DOCK1: variants seen among roughly 807,000 people sequenced by gnomAD.
DOCK1 encodes dedicator of cytokinesis 1.
A neutral mutation model predicts 262.7 loss-of-function variants in DOCK1; 138 were observed. The observed-to-expected ratio is 0.53, with a 90% CI of 0.46 to 0.61. DOCK1 has a LOEUF of 0.61. DOCK1 is among the 20% of genes least tolerant of loss of function. The pLI, the probability that DOCK1 is intolerant of heterozygous loss-of-function variation, is 0.00. For synonymous variants in DOCK1, 866 were observed against 867.4 expected (o/e 1.00, Z 0.03); for missense variants, 1,908 against 2,370.7 (o/e 0.80, Z 4.05).
At chr10:127,321,499 G>A (rs150285175) in intron 29 of DOCK1, among the ~76,000 whole-genome samples, 30 of 150,920 alleles carry the variant, frequency 2.0e-4, no homozygotes, top group Admixed American at 4.0e-4. Context: ...CTTTATAAGT[G>A]GACTGAGATT....
intron 27 of DOCK1, among the ~76,000 whole-genome samples, chr10:127,214,899 A>T (rs1050320802): frequency 6.6e-6 from 1 of 152,134 alleles, no homozygotes; most frequent in Non-Finnish European, 1.5e-5. Flanking sequence ...GTCATTTTAA[A>T]CATATGCGTG....
chr10:127,275,972 C>A lies in DOCK1; in HGVS notation c.3044+18543C>A, dbSNP rs551362177. Reference sequence around the variant, plus strand: ...GTACAGGCCGCGTTGGAGATCCCTGCGGCTCATGCTGCCTTATTACGTAAT... The same window carrying A: ...GTACAGGCCGCGTTGGAGATCCCTGAGGCTCATGCTGCCTTATTACGTAAT... On this transcript the variant is annotated intron_variant, in intron 29 of 51. Coordinates refer to ENST00000623213, the MANE Select transcript of DOCK1 (RefSeq NM_001290223.2). Among the ~76,000 whole-genome samples, 4 of 152,360 alleles carry A rather than the reference C, an allele frequency of 2.6e-5. No individual in the cohort carries two copies. In the South Asian group the frequency reaches 8.3e-4, roughly 32 times the overall value.
chr10:127,341,430 T>C (rs987232026), intron 30 of DOCK1, among the ~76,000 whole-genome samples: 1 of 152,216 alleles, frequency 6.6e-6, no homozygotes, highest in Non-Finnish European at 1.5e-5. Flanking sequence ...AGTTTCTCTT[T>C]TAAAAACATA....
rs750506550 is a variant in DOCK1, at chr10:127,195,120, G to C, written c.2848-52888G>C. Among the ~76,000 whole-genome samples, 30 of 152,176 alleles carry C rather than the reference G, an allele frequency of 2.0e-4. 1 individual carries two copies. Among genetic ancestry groups the C allele is most frequent in the Non-Finnish European group, 2.9e-4 (20 of 68,032 alleles). On this transcript the variant is annotated intron_variant, in intron 27 of 51. Transcript: ENST00000623213. ...CCCTGTGGCATATTTTTGGGTAGTA[G>C]AATGCTGAGGTCACAGGGAGCGGCT...
rs951543680 is a variant in DOCK1, at chr10:127,437,940, C to G, written c.5061-1087C>G. ...TGAAGAAGCCAATTGCTTCTCCAGG[C>G]GGTCAAGGAAGTCAGGTTTGGAAGT... is the stretch of plus-strand genomic sequence containing the variant. On this transcript the variant is annotated intron_variant, in intron 48 of 51. Coordinates refer to ENST00000623213, the MANE Select transcript of DOCK1 (RefSeq NM_001290223.2). This position sits in a 1 kb window ranked among gnomAD's most constrained non-coding sequence, Gnocchi z 4.4. Among the ~76,000 whole-genome samples the G allele has an allele frequency of 6.6e-6, 1 of 152,188 alleles. No homozygotes were observed. Among genetic ancestry groups the G allele is most frequent in the African/African-American group, 2.4e-5 (1 of 41,454 alleles).
chr10:126,916,128 C>T (rs1262984019), intron 1 of DOCK1, among the ~76,000 whole-genome samples: 1 of 151,428 alleles, frequency 6.6e-6, no homozygotes, highest in Admixed American at 6.6e-5. Context: ...TAACTGCTGC[C>T]ACCTCTGCCC....
chr10:127,262,867 T>A (rs1219767155), intron 29 of DOCK1, among the ~76,000 whole-genome samples: 3 of 152,150 alleles, frequency 2.0e-5, no homozygotes, highest in African/African-American at 7.2e-5. Context: ...GGACAGCTGC[T>A]GTGTTTAGGC....
chr10:127,280,277 G>T (rs951954689), intron 29 of DOCK1, among the ~76,000 whole-genome samples: 2 of 151,570 alleles, frequency 1.3e-5, no homozygotes, highest in African/African-American at 2.4e-5. Context: ...CTCGTGATCC[G>T]CCCGCCTCGG....
intron 23 of DOCK1, among the ~76,000 whole-genome samples, chr10:127,086,276 T>C (rs1185537718): frequency 6.6e-6 from 1 of 151,738 alleles, no homozygotes; most frequent in African/African-American, 2.4e-5. Flanking sequence ...CTTCATTATG[T>C]GACCACCCAC....
chr10:127,293,299 TCAAAG>T (rs1274841735), intron 29 of DOCK1, among the ~76,000 whole-genome samples: 1 of 152,090 alleles, frequency 6.6e-6, no homozygotes, highest in African/African-American at 2.4e-5. Flanking sequence ...ATCTGTTATC[TCAAAG>T]GAGACCTTAG....
In DOCK1 at chr10:126,970,721, C is replaced by G. The variant is rs751926799; in HGVS notation, c.66C>G (p.Ala22=). ...KYGVAFYNYD[A]RGADELSLQI... ...TCACAGCTTTTTATAACTATGATGC[C>G]AGAGGAGCGGATGAACTTTCTTTAC... Residue 22 remains alanine, a synonymous_variant, in exon 2 of 52, where the codon GCC becomes GCG. Coordinates refer to ENST00000623213, the MANE Select transcript of DOCK1 (RefSeq NM_001290223.2). 3 of 1,612,818 alleles carry G rather than the reference C, an allele frequency of 1.9e-6. No homozygotes were observed. Among genetic ancestry groups the G allele is most frequent in the Non-Finnish European group, 2.5e-6 (3 of 1,179,088 alleles).
rs560996052 is a variant in DOCK1 at position 127,347,887 on chromosome 10, C to T, written c.3224+4141C>T. Among the ~76,000 whole-genome samples the T allele has an allele frequency of 6.4e-4, 57 of 88,856 alleles. 15 individuals are homozygous for T. In the South Asian group the frequency reaches 0.027, roughly 42 times the overall value. The allele number at this position is 88,856 out of a possible 152,430, so 58.3% of individuals were successfully genotyped here. On this transcript the variant is annotated intron_variant, in intron 31 of 51. Transcript: ENST00000623213. ...CCCTTCCCTTCCCTTCCCTTCCCAT[C>T]CCTTCCCTTCCCCCTTGCTAAGCCC...
chr10:127,210,425 G>A (rs970099374), intron 27 of DOCK1, among the ~76,000 whole-genome samples: 32 of 152,354 alleles, frequency 2.1e-4, no homozygotes, highest in Admixed American at 3.3e-4. Flanking sequence ...ATGTAGAACC[G>A]TGTGCATTTG....
Position 127,320,359 on chromosome 10 carries a change from G to A in DOCK1, c.3045-18647G>A, listed in dbSNP as rs1429826473. Among the ~76,000 whole-genome samples, 3 of 152,190 alleles carry A rather than the reference G, an allele frequency of 2.0e-5. 1 individual carries two copies. Among genetic ancestry groups the A allele is most frequent in the Non-Finnish European group, 4.4e-5 (3 of 68,048 alleles). On this transcript the variant is annotated intron_variant, in intron 29 of 51. Coordinates refer to ENST00000623213, the MANE Select transcript of DOCK1 (RefSeq NM_001290223.2). ...TAGGCAGGGGCCGCCAACACGCAGG[G>A]GCCAATGCAGCCAAGGAGCAGTTGC... is the stretch of plus-strand genomic sequence containing the variant.
At chr10:127,397,878 C>T (rs1390791150) in intron 38 of DOCK1, among the ~76,000 whole-genome samples, 1 of 152,132 alleles carries the variant, frequency 6.6e-6, no homozygotes, top group African/African-American at 2.4e-5. Flanking sequence ...TGCTGCATGT[C>T]CTGGGCAGTG....
intron 27 of DOCK1, among the ~76,000 whole-genome samples, chr10:127,202,445 C>T (rs569789027): frequency 2.8e-4 from 42 of 152,270 alleles, no homozygotes; most frequent in Admixed American, 1.8e-3. Flanking sequence ...CCTTCTGCCC[C>T]GGTGCACAGG....
intron 29 of DOCK1, among the ~76,000 whole-genome samples, chr10:127,267,894 T>C (rs948139852): frequency 1.3e-5 from 2 of 152,166 alleles, no homozygotes; most frequent in African/African-American, 4.8e-5. Context: ...CTTTTACGTC[T>C]AGAACAGGAG....
At chr10:127,077,993 G>T (rs369340363) in intron 23 of DOCK1, among the ~76,000 whole-genome samples, 94 of 152,218 alleles carry the variant, frequency 6.2e-4, no homozygotes, top group African/African-American at 2.1e-3. Flanking sequence ...AGGAGTGGAG[G>T]CAGGCAGCCT....
chr10:127,143,417 T>G (rs968002740), intron 27 of DOCK1, among the ~76,000 whole-genome samples: 5 of 152,184 alleles, frequency 3.3e-5, no homozygotes, highest in Non-Finnish European at 5.9e-5. Context: ...TGACTCAGGC[T>G]CTACCACTGT....
Sources: allele counts gnomAD v4.1 joint callset (sites outside exome capture counted in the v4.1 genomes callset), GRCh38; gene constraint gnomAD v4.1.1; non-coding constraint Gnocchi (gnomAD v3.1); transcripts MANE v1.5; gene names NCBI Gene and HGNC (gene_info 2026-07-23, HGNC 2026-07-21).